GPC6: variants seen among roughly 807,000 people sequenced by gnomAD.
GPC6 encodes glypican-6.
In GPC6, 14 loss-of-function variants were observed where a neutral mutation model predicts 55.2. The ratio of observed to expected loss-of-function variants is 0.25; its 90% CI spans 0.17 to 0.40. The LOEUF (loss-of-function observed/expected upper bound fraction) is 0.40. Among genes scored for constraint, GPC6 ranks in the 10% least tolerant of loss-of-function variants. GPC6 has a pLI of 1.00. For synonymous variants in GPC6, 278 were observed against 259.6 expected (o/e 1.07, Z -0.68); for missense variants, 641 against 708.5 (o/e 0.90, Z 1.08).
intron 1 of GPC6, chr13:93,395,508 G>T: frequency 5.6e-6 from 1 of 177,150 alleles, no homozygotes; most frequent in Non-Finnish European, 1.2e-5. Context: ...TTTCTTAGGT[G>T]GCATTCTTCA....
At chr13:93,842,312 G>A (rs982097097) in intron 3 of GPC6, among the ~76,000 whole-genome samples, 8 of 152,040 alleles carry the variant, frequency 5.3e-5, no homozygotes, top group Non-Finnish European at 1.0e-4. Flanking sequence ...CAAACCTTAC[G>A]ATATTCTGCT....
intron 2 of GPC6, among the ~76,000 whole-genome samples, chr13:93,817,690 C>T (rs1044013388): frequency 6.6e-6 from 1 of 151,940 alleles, no homozygotes; most frequent in African/African-American, 2.4e-5. Flanking sequence ...AAAACACCAT[C>T]TCTGCAAAAA....
chr13:93,446,688 T>C (rs1035347494), intron 1 of GPC6, among the ~76,000 whole-genome samples: 1 of 152,196 alleles, frequency 6.6e-6, no homozygotes, highest in East Asian at 1.9e-4. Flanking sequence ...AATTGTTCGA[T>C]TGAGGTAACA....
chr13:93,409,003 C>T (rs1406873776), intron 1 of GPC6, among the ~76,000 whole-genome samples: 2 of 152,060 alleles, frequency 1.3e-5, no homozygotes, highest in African/African-American at 4.8e-5. Flanking sequence ...ACAGTAAGTA[C>T]ATTTGGGAAC....
chr13:93,418,297 C>T (rs970485023), intron 1 of GPC6, among the ~76,000 whole-genome samples: 4 of 151,434 alleles, frequency 2.6e-5, no homozygotes, highest in African/African-American at 9.7e-5. Context: ...CAATTATATA[C>T]TTTTAGTTAT....
chr13:94,140,981 A>C (rs1887355698), intron 4 of GPC6, among the ~76,000 whole-genome samples: 1 of 152,082 alleles, frequency 6.6e-6, no homozygotes, highest in Non-Finnish European at 1.5e-5. Flanking sequence ...AGGAAAAATA[A>C]GCAAACAAAA....
chr13:93,405,229 C>T (rs1042204870), intron 1 of GPC6, among the ~76,000 whole-genome samples: 1 of 152,020 alleles, frequency 6.6e-6, no homozygotes, highest in Non-Finnish European at 1.5e-5. Flanking sequence ...CTTTTTTGAC[C>T]AAATCCACTG....
intron 3 of GPC6, among the ~76,000 whole-genome samples, chr13:93,950,792 ATTTC>A (rs1482730398): frequency 6.6e-6 from 1 of 151,844 alleles, no homozygotes; most frequent in African/African-American, 2.4e-5. Flanking sequence ...AGGCTGGGAA[ATTTC>A]TTTTTTTTTT....
intron 1 of GPC6, among the ~76,000 whole-genome samples, chr13:93,390,752 G>T (rs1594137203): frequency 6.7e-6 from 1 of 150,034 alleles, no homozygotes; most frequent in Non-Finnish European, 1.5e-5. Context: ...ATAGCCTTTT[G>T]TCAGCTTGCA....
At chr13:94,116,263 A>T (rs1886424783) in intron 4 of GPC6, among the ~76,000 whole-genome samples, 2 of 152,056 alleles carry the variant, frequency 1.3e-5, no homozygotes, top group Non-Finnish European at 2.9e-5. Context: ...AGTGCACATG[A>T]ATGAAATGCC....
intron 3 of GPC6, among the ~76,000 whole-genome samples, chr13:93,846,800 G>A (rs9516299): frequency 0.24 from 35,794 of 152,102 alleles, 4,749 homozygotes; most frequent in East Asian, 0.34. Context: ...AAATTTTGGT[G>A]TGTATTTTGT....
intron 1 of GPC6, among the ~76,000 whole-genome samples, chr13:93,507,505 G>C (rs1880781304): frequency 6.6e-6 from 1 of 152,084 alleles, no homozygotes. Flanking sequence ...AAGATCTATA[G>C]GTCAGCTCAC....
chr13:93,322,480 A>T (rs570868785), intron 1 of GPC6, among the ~76,000 whole-genome samples: 1 of 117,446 alleles, frequency 8.5e-6, no homozygotes, highest in Non-Finnish European at 1.6e-5. Flanking sequence ...CTTGTTGCCC[A>T]GGCTGGAGTG....
chr13:94,285,694 A>G (rs1892509142), intron 4 of GPC6, among the ~76,000 whole-genome samples: 1 of 152,164 alleles, frequency 6.6e-6, no homozygotes, highest in African/African-American at 2.4e-5. Flanking sequence ...TCCAAGCAAT[A>G]CTGAGTTCAT....
chr13:93,338,511 T>G (rs1047453069), intron 1 of GPC6, among the ~76,000 whole-genome samples: 1 of 152,210 alleles, frequency 6.6e-6, no homozygotes, highest in African/African-American at 2.4e-5. Flanking sequence ...GATTTCTGCC[T>G]TTGCTGGATT....
At chr13:93,275,099 T>C (rs1877681351) in intron 1 of GPC6, among the ~76,000 whole-genome samples, 1 of 152,224 alleles carries the variant, frequency 6.6e-6, no homozygotes, top group Non-Finnish European at 1.5e-5. Context: ...GCTTCCAAAC[T>C]GGGAAAGCCT....
chr13:93,310,597 C>T (rs555806538), intron 1 of GPC6, among the ~76,000 whole-genome samples: 1 of 152,274 alleles, frequency 6.6e-6, no homozygotes, highest in South Asian at 2.1e-4. Context: ...TCAAACCAGT[C>T]CCATAAGGAA....
chr13:93,793,577 G>C (rs532030537), intron 2 of GPC6, among the ~76,000 whole-genome samples: 1 of 152,146 alleles, frequency 6.6e-6, no homozygotes, highest in East Asian at 1.9e-4. Flanking sequence ...TGCACAAAGA[G>C]AAACACAAAT....
At chr13:94,133,773 C>A (rs1887088436) in intron 4 of GPC6, among the ~76,000 whole-genome samples, 1 of 151,590 alleles carries the variant, frequency 6.6e-6, no homozygotes, top group South Asian at 2.1e-4. Flanking sequence ...AGAAACATTT[C>A]ATGGATTACT....
Sources: gnomAD v4.1 joint callset for allele counts (sites outside exome capture counted in the v4.1 genomes callset) on GRCh38, gnomAD v4.1.1 for gene constraint, MANE v1.5 for transcripts, NCBI Gene and HGNC (gene_info 2026-07-23, HGNC 2026-07-21) for gene names.